The following RIMS1 variants were observed in gnomAD, a reference collection of about 807,000 sequenced individuals.
RIMS1 encodes the protein regulating synaptic membrane exocytosis protein 1.
Under a neutral mutation model 214.1 loss-of-function variants are expected in RIMS1, and 83 were observed. The observed-to-expected ratio is 0.39, with a 90% CI of 0.32 to 0.47. RIMS1 has a LOEUF of 0.47. Ranked by LOEUF, RIMS1 falls within the 20% of genes least tolerant of loss-of-function variation. The pLI, the probability that RIMS1 is intolerant of heterozygous loss-of-function variation, is 0.99. For synonymous variants in RIMS1, 793 were observed against 786.8 expected, an observed-to-expected ratio of 1.01 and a Z score of -0.13; for missense variants, 2,050 against 2,161.8, an observed-to-expected ratio of 0.95 and a Z score of 1.03.
chr6:72,310,745 A>G (rs1389579785), intron 27 of RIMS1, among the ~76,000 whole-genome samples: 1 of 152,126 alleles, frequency 6.6e-6, no homozygotes, highest in African/African-American at 2.4e-5. Context: ...TACATTCAAA[A>G]TTTAACAGAT....
At position 71,969,100 on chromosome 6, in the gene RIMS1, G is replaced by A. The variant is rs202189012; in HGVS notation, c.245+37G>A. The A allele has an allele frequency of 3.1e-4, 483 of 1,575,736 alleles. 1 individual carries two copies. The highest frequency in any genetic ancestry group is 6.7e-4 in the Middle Eastern group (4 of 5,996). On this transcript the variant is annotated intron_variant, in intron 2 of 33. Transcript: ENST00000521978. ...ATTGGTTTTATTGACTGAAAATGTC[G>A]TCTCTTACACAGATCATGGTTACAG...
Position 72,313,725 on chromosome 6 carries a change from A to T in RIMS1, c.4130+53A>T, listed in dbSNP as rs2095626318. ...CTGGATCTTTATCTGTGATATAAAA[A>T]TACAACTAGCTTCCTGAATATTTTT... On this transcript the variant is annotated intron_variant, in intron 28 of 33. Coordinates refer to ENST00000521978, the MANE Select transcript of RIMS1 (RefSeq NM_014989.7). 6.0e-6 allele frequency: 9 copies of T among 1,503,694 alleles called. No individual in the cohort carries two copies. In the South Asian group the frequency reaches 1.0e-4, roughly 17 times the overall value. The allele number at this position is 1,503,694 out of a possible 1,614,324, so 93.1% of individuals were successfully genotyped here.
intron 6 of RIMS1, among the ~76,000 whole-genome samples, chr6:72,194,994 T>C (rs1408583948): frequency 1.3e-5 from 2 of 152,122 alleles, no homozygotes; most frequent in Admixed American, 6.6e-5. Context: ...AAATGAAATA[T>C]GTAATATAAT....
intron 2 of RIMS1, among the ~76,000 whole-genome samples, chr6:72,036,382 G>C (rs1819617241): frequency 6.6e-6 from 1 of 152,142 alleles, no homozygotes; most frequent in Non-Finnish European, 1.5e-5. Flanking sequence ...TCACAGAACT[G>C]TTTGTATGTT....
intron 2 of RIMS1, among the ~76,000 whole-genome samples, chr6:72,028,775 A>G (rs1401580330): frequency 6.6e-6 from 1 of 152,158 alleles, no homozygotes; most frequent in Admixed American, 6.6e-5. Flanking sequence ...TACCAAACAT[A>G]CAGACTCTTA....
intron 2 of RIMS1, among the ~76,000 whole-genome samples, chr6:72,067,293 C>A (rs922641192): frequency 6.6e-6 from 1 of 152,198 alleles, no homozygotes; most frequent in Non-Finnish European, 1.5e-5. Context: ...TCAGTTTCTC[C>A]TGAATACGTT....
intron 2 of RIMS1, among the ~76,000 whole-genome samples, chr6:72,080,155 T>C (rs1833003981): frequency 6.8e-6 from 1 of 147,028 alleles, no homozygotes. Flanking sequence ...TCCCAGCTAC[T>C]TGGGAGGCTG....
intron 1 of RIMS1, among the ~76,000 whole-genome samples, chr6:71,929,387 A>G (rs377075020): frequency 1.3e-5 from 2 of 152,158 alleles, no homozygotes; most frequent in Non-Finnish European, 1.5e-5. Context: ...AAAAACTCTT[A>G]TATGCCACAT....
intron 2 of RIMS1, among the ~76,000 whole-genome samples, chr6:72,022,863 C>A (rs184680563): frequency 6.6e-6 from 1 of 152,220 alleles, no homozygotes; most frequent in Admixed American, 6.5e-5. Context: ...GGGGAGGAGA[C>A]TGACTAGAAA....
intron 4 of RIMS1, among the ~76,000 whole-genome samples, chr6:72,164,708 AAAAC>A (rs986564613): frequency 7.5e-4 from 115 of 152,328 alleles, no homozygotes; most frequent in African/African-American, 2.7e-3. Context: ...TGTGGCTTGA[AAAAC>A]AAACATGTCT....
chr6:72,195,118 A>G (rs2050662541), intron 6 of RIMS1, among the ~76,000 whole-genome samples: 1 of 152,176 alleles, frequency 6.6e-6, no homozygotes, highest in Non-Finnish European at 1.5e-5. Flanking sequence ...GATCCAAGGG[A>G]AAGCCACTTA....
rs181720861 is a variant in RIMS1, at chr6:72,271,127, G to A, written c.3399-3222G>A. ...TGAAAAATACAAAAAGTAGCCAGGC[G>A]TGGCGGTGTGCACCTGTGGTCCCAG... On this transcript the variant is annotated intron_variant, in intron 22 of 33. Coordinates refer to ENST00000521978, the MANE Select transcript of RIMS1 (RefSeq NM_014989.7). Among the ~76,000 whole-genome samples the A allele has an allele frequency of 6.8e-3, 1,025 of 151,638 alleles. 8 individuals carry two copies. Among genetic ancestry groups the A allele is most frequent in the Middle Eastern group, 0.017 (5 of 292 alleles).
intron 29 of RIMS1, among the ~76,000 whole-genome samples, chr6:72,370,517 C>T (rs1224546282): frequency 2.0e-5 from 3 of 152,144 alleles, no homozygotes; most frequent in Non-Finnish European, 4.4e-5. Context: ...CTAACTTGAT[C>T]CCCTGTCTCA....
At chr6:72,196,467 G>C (rs2050945624) in intron 6 of RIMS1, among the ~76,000 whole-genome samples, 1 of 151,184 alleles carries the variant, frequency 6.6e-6, no homozygotes, top group Non-Finnish European at 1.5e-5. Context: ...ACAAAATCAG[G>C]CTCTGTGGTA....
chr6:72,212,238 A>G (rs1371845544), intron 6 of RIMS1, among the ~76,000 whole-genome samples: 1 of 151,760 alleles, frequency 6.6e-6, no homozygotes, highest in African/African-American at 2.4e-5. Flanking sequence ...AGGAATATGC[A>G]TCTCATTTAT....
At chr6:71,897,371 G>C (rs896117343) in intron 1 of RIMS1, among the ~76,000 whole-genome samples, 1 of 152,012 alleles carries the variant, frequency 6.6e-6, no homozygotes, top group Non-Finnish European at 1.5e-5. Context: ...CATAAAACCC[G>C]CTTGCTTTCA....
chr6:72,085,565 G>A (rs868422326), intron 2 of RIMS1, among the ~76,000 whole-genome samples: 4 of 152,086 alleles, frequency 2.6e-5, no homozygotes, highest in African/African-American at 9.7e-5. Context: ...TTTATGAAAT[G>A]AGATGACAGA....
At chr6:72,243,331 G>A (rs1013535804) in intron 10 of RIMS1, among the ~76,000 whole-genome samples, 1 of 151,434 alleles carries the variant, frequency 6.6e-6, no homozygotes, top group African/African-American at 2.4e-5. Flanking sequence ...AATTCTCAAA[G>A]AATGAAAATG....
At position 72,248,135 on chromosome 6, in the gene RIMS1, T is replaced by G; in HGVS notation, c.2241+8T>G. 1 of 1,566,840 alleles carries G rather than the reference T, an allele frequency of 6.4e-7. No homozygotes were observed. ...TTACCAGGGCAACTTTCTGTATGTA[T>G]TTTTTGTACATGTTGGAGGCTGTTA... is the stretch of plus-strand genomic sequence containing the variant. On this transcript the variant is annotated splice_region_variant and intron_variant, in intron 12 of 33. Transcript: ENST00000521978.
Sources: allele counts gnomAD v4.1 joint callset (sites outside exome capture counted in the v4.1 genomes callset), GRCh38; gene constraint gnomAD v4.1.1; transcripts MANE v1.5; gene names NCBI Gene and HGNC (gene_info 2026-07-23, HGNC 2026-07-21).